RGS5: variants seen among roughly 807,000 people sequenced by gnomAD.
RGS5 encodes the protein regulator of G protein signaling 5.
Under a neutral mutation model 18.9 loss-of-function variants are expected in RGS5, and 20 were observed. The ratio of observed to expected loss-of-function variants is 1.06; its 90% confidence interval spans 0.74 to 1.54. The LOEUF is 1.54. Among genes scored for constraint, RGS5 ranks in the 40% most tolerant of loss-of-function variants. The pLI, the probability that RGS5 is intolerant of heterozygous loss-of-function variation, is 0.00. For synonymous variants in RGS5, 57 were observed against 76.2 expected (o/e 0.75, Z 1.31); for missense variants, 201 against 211.8 (o/e 0.95, Z 0.32).
chr1:163,242,795 T>G (rs1183366356), intron 2 of RGS5, among the ~76,000 whole-genome samples: 1 of 152,208 alleles, frequency 6.6e-6, no homozygotes, highest in Admixed American at 6.5e-5. Context: ...TAGGCTTCAT[T>G]ACATTTTCTA....
intron 2 of RGS5, among the ~76,000 whole-genome samples, chr1:163,294,033 C>T (rs1649360375): frequency 6.6e-6 from 1 of 152,216 alleles, no homozygotes; most frequent in African/African-American, 2.4e-5. Flanking sequence ...AGCTGCTTTC[C>T]ATGGGCTGGC....
Position 163,240,692 on chromosome 1 carries a change from C to T in RGS5, c.-281+65541G>A, listed in dbSNP as rs370722440. ...CCACAGCACCTGGCTAATTTTTAAA[C>T]GTTTTGTTGAGACAGAGTCTTGCTA... On this transcript the variant is annotated intron_variant, in intron 2 of 5. Coordinates refer to the RGS5 transcript ENST00000618415. Among the ~76,000 whole-genome samples the T allele has an allele frequency of 3.9e-5, 6 of 151,990 alleles. No homozygotes were observed. In the East Asian group the frequency reaches 7.7e-4, roughly 20 times the overall value.
intron 2 of RGS5, among the ~76,000 whole-genome samples, chr1:163,306,040 A>G (rs182543919): frequency 1.3e-5 from 2 of 152,194 alleles, no homozygotes; most frequent in Non-Finnish European, 2.9e-5. Flanking sequence ...CAGTTTCACC[A>G]TTAGAAAACT....
In RGS5 at chr1:163,286,809, G is replaced by GA. The variant is rs201133576; in HGVS notation, c.-281+19423dup. On this transcript the variant is annotated intron_variant, in intron 2 of 5. Transcript: ENST00000618415. ...ATATGCAAATTCTTTGGAACATCTA[G>GA]AAAAAAAAATTTTAAGTTTTTGTTC... 1.3e-3 allele frequency among the ~76,000 whole-genome samples: 198 copies of GA among 151,356 alleles called. 4 individuals carry two copies. In the East Asian group the frequency reaches 0.033, roughly 25 times the overall value.
chr1:163,262,176 C>CTTTTT (rs1557923675), intron 2 of RGS5, among the ~76,000 whole-genome samples: 1 of 96,100 alleles, frequency 1.0e-5, no homozygotes, highest in Non-Finnish European at 2.2e-5. Flanking sequence ...TTTTATTATA[C>CTTTTT]TCTAAGTTTT....
At chr1:163,162,782 A>G (rs1657861436) in intron 2 of RGS5, 2 of 152,090 alleles carry the variant, frequency 1.3e-5, no homozygotes, top group Non-Finnish European at 2.9e-5. Context: ...TTTTTCTCTC[A>G]CAGCAGGATG....
chr1:163,152,880 T>C (rs1657430540), intron 3 of RGS5, among the ~76,000 whole-genome samples, 164 bp from the exon 4 acceptor site: 1 of 152,158 alleles, frequency 6.6e-6, no homozygotes, highest in Non-Finnish European at 1.5e-5. Context: ...GCAGAAGGAA[T>C]GAGACAGAGA....
chr1:163,255,411 G>A lies in RGS5; in HGVS notation c.-281+50822C>T, dbSNP rs191153538. Among the ~76,000 whole-genome samples, 567 of 152,270 alleles carry A rather than the reference G, an allele frequency of 3.7e-3. 1 individual carries two copies. The highest frequency in any genetic ancestry group is 5.3e-3 in the Non-Finnish European group (363 of 68,030). The stretch of plus-strand genomic sequence containing the variant: ...ATACATCCTCCCAAGACTAAACCAG[G>A]AAGAAGTTGACTCTCTGAATATACC... On this transcript the variant is annotated intron_variant, in intron 2 of 5. Transcript: ENST00000618415.
intron 2 of RGS5, among the ~76,000 whole-genome samples, chr1:163,251,343 TA>T (rs1648102421): frequency 6.6e-6 from 1 of 152,160 alleles, no homozygotes; most frequent in Admixed American, 6.5e-5. Flanking sequence ...GAAGAGAAGA[TA>T]TATTTAGACC....
intron 2 of RGS5, among the ~76,000 whole-genome samples, chr1:163,265,127 G>T (rs998524364): frequency 1.2e-4 from 18 of 152,002 alleles, no homozygotes; most frequent in African/African-American, 4.3e-4. Context: ...TCTTTTCTGT[G>T]TCTCACAAAG....
chr1:163,203,242 C>T (rs1303477994), upstream of RGS5: 1 of 157,134 alleles, frequency 6.4e-6, no homozygotes, highest in African/African-American at 2.4e-5. Flanking sequence ...TCTTGGACCA[C>T]TTCAGATCGG....
upstream of RGS5, among the ~76,000 whole-genome samples, chr1:163,218,613 G>A (rs1184549985): frequency 1.3e-5 from 2 of 151,744 alleles, no homozygotes; most frequent in Middle Eastern, 3.4e-3. Flanking sequence ...ATAAAAAATA[G>A]AGAAAATAGT....
chr1:163,290,609 C>T (rs1340417124), intron 2 of RGS5, among the ~76,000 whole-genome samples: 2 of 150,472 alleles, frequency 1.3e-5, no homozygotes, highest in Admixed American at 1.3e-4. Context: ...TGGCAACCAG[C>T]CCATATTTAG....
intron 2 of RGS5, among the ~76,000 whole-genome samples, chr1:163,292,444 T>C (rs1649312292): frequency 6.6e-6 from 1 of 152,188 alleles, no homozygotes; most frequent in African/African-American, 2.4e-5. Flanking sequence ...GTTGATTCCA[T>C]GTTTTTGCTA....
chr1:163,145,781 C>G lies in RGS5; in HGVS notation c.*1561G>C, dbSNP rs559429484. 9.2e-5 allele frequency: 14 copies of G among 152,184 alleles called. No homozygotes were observed. Among genetic ancestry groups the G allele is most frequent in the Non-Finnish European group, 1.8e-4 (12 of 68,010 alleles). The allele number at this position is 152,184 out of a possible 1,614,324, so 9.4% of individuals were successfully genotyped here. On this transcript the variant is annotated 3_prime_UTR_variant, in exon 5 of 5. Transcript: ENST00000313961. ...TACAGTCACATAGTTGCTTCACTTT[C>G]AATATTCTTAGGAAATAACCAAATA...
intron 1 of RGS5, among the ~76,000 whole-genome samples, chr1:163,172,110 T>C (rs143860466): frequency 0.017 from 2,523 of 152,282 alleles, 27 homozygotes; most frequent in Non-Finnish European, 0.023. Context: ...GGGTGAAATG[T>C]GAGACAGCAG....
intron 1 of RGS5, among the ~76,000 whole-genome samples, chr1:163,185,792 G>T (rs974252750): frequency 6.6e-6 from 1 of 152,194 alleles, no homozygotes; most frequent in Non-Finnish European, 1.5e-5. Flanking sequence ...CACATGCAAT[G>T]CATAAACTTA....
At chr1:163,214,554 T>A (rs1571297271) in intron 1 of RGS5, among the ~76,000 whole-genome samples, 1 of 152,120 alleles carries the variant, frequency 6.6e-6, no homozygotes, top group South Asian at 2.1e-4. Flanking sequence ...TCATTCTCCA[T>A]GATCACACAA....
intron 3 of RGS5, among the ~76,000 whole-genome samples, chr1:163,153,270 C>G (rs1321075045): frequency 6.6e-6 from 1 of 152,088 alleles, no homozygotes; most frequent in Non-Finnish European, 1.5e-5. Flanking sequence ...AGACATGGTT[C>G]CTGTCCTAAT....
Sources: gnomAD v4.1 joint callset for allele counts (sites outside exome capture counted in the v4.1 genomes callset) on GRCh38, gnomAD v4.1.1 for gene constraint, MANE v1.5 for transcripts, NCBI Gene and HGNC (gene_info 2026-07-23, HGNC 2026-07-21) for gene names.